Variants in SHROOM4 observed in about 807,000 individuals in gnomAD.
SHROOM4 encodes shroom family member 4.
In SHROOM4, 17 loss-of-function variants were observed where a neutral mutation model predicts 80.3. That is an observed-to-expected ratio of 0.21 (90% confidence interval 0.14 to 0.32). SHROOM4 has a LOEUF of 0.32. Ranked by LOEUF, SHROOM4 falls within the 10% of genes least tolerant of loss-of-function variation. The pLI is 1.00. For missense variants in SHROOM4, 993 were observed against 1,140.3 expected (o/e 0.87, Z 1.86); for synonymous variants, 400 against 437.5 (o/e 0.91, Z 1.07).
chrX:50,607,535 C>T lies in SHROOM4; in HGVS notation c.3607G>A (p.Ala1203Thr), dbSNP rs782719215. ...GSRQGSQSVP[A>T]EQESFALHSS... Reference sequence around the variant, plus strand: ...TGGAGTGCAAAGGATTCTTGCTCTGCTGGGACACTTTGTGAACCCTGTCTC... The same window carrying T: ...TGGAGTGCAAAGGATTCTTGCTCTGTTGGGACACTTTGTGAACCCTGTCTC... The change falls in exon 6 of 9, where the codon GCA (alanine) becomes ACA (threonine). Residue 1203 changes from alanine to threonine, a missense_variant. By Grantham distance (58) the Ala-to-Thr change is moderately conservative. Coordinates refer to ENST00000376020, the MANE Select transcript of SHROOM4 (RefSeq NM_020717.5). The T allele has an allele frequency of 8.3e-7, 1 of 1,209,302 alleles. No individual in the cohort carries two copies. Among genetic ancestry groups the T allele is most frequent in the Non-Finnish European group, 1.1e-6 (1 of 895,115 alleles).
intron 2 of SHROOM4, among the ~76,000 whole-genome samples, chrX:50,685,134 T>C (rs782281846): frequency 9.0e-6 from 1 of 111,279 alleles, no homozygotes; most frequent in African/African-American, 3.3e-5. Flanking sequence ...AGGTAATGAG[T>C]CCCTGGCAGT....
intron 1 of SHROOM4, among the ~76,000 whole-genome samples, chrX:50,773,210 G>T (rs975454887): frequency 1.8e-5 from 2 of 111,832 alleles, no homozygotes; most frequent in African/African-American, 3.2e-5. Flanking sequence ...AATCCTCACT[G>T]GTAGTGACAG....
chrX:50,687,951 G>A (rs1197136896), intron 2 of SHROOM4, among the ~76,000 whole-genome samples: 3 of 109,271 alleles, frequency 2.7e-5, no homozygotes, highest in Non-Finnish European at 5.7e-5. Flanking sequence ...GTCATAGAGT[G>A]TACTAGGTGC....
intron 7 of SHROOM4, among the ~76,000 whole-genome samples, chrX:50,600,590 C>T (rs1929350312): frequency 8.9e-6 from 1 of 111,773 alleles, no homozygotes; most frequent in African/African-American, 3.3e-5. Flanking sequence ...ATGTTTTAAT[C>T]TTATTCTAGC....
intron 1 of SHROOM4, among the ~76,000 whole-genome samples, chrX:50,762,993 A>G (rs1473909241): frequency 9.0e-6 from 1 of 110,810 alleles, no homozygotes; most frequent in East Asian, 2.8e-4. Context: ...TTCCTGCCCC[A>G]TTTATACTCT....
intron 2 of SHROOM4, among the ~76,000 whole-genome samples, chrX:50,679,545 T>A (rs1932899896): frequency 8.9e-6 from 1 of 111,894 alleles, no homozygotes; most frequent in South Asian, 3.7e-4. Flanking sequence ...ACATATATAT[T>A]GTTTTGTGTG....
In SHROOM4 at chrX:50,596,442, A is replaced by G. The variant is rs1929115900; in HGVS notation, c.*253T>C. 1 of 501,308 alleles carries G rather than the reference A, an allele frequency of 2.0e-6. No individual in the cohort carries two copies. Among genetic ancestry groups the G allele is most frequent in the Non-Finnish European group, 3.6e-6 (1 of 279,919 alleles). 41.3% of individuals were successfully genotyped at this position (501,308 alleles called of 1,213,427 possible). On this transcript the variant is annotated 3_prime_UTR_variant, in exon 9 of 9. Transcript: ENST00000376020. ...TGTGCAGCAAGTACTTGCCCTTGGC[A>G]ACTGTGGGAAGGAGAGTGTGGTTCT...
At chrX:50,652,760 G>A (rs782217297) in intron 2 of SHROOM4, among the ~76,000 whole-genome samples, 1 of 111,905 alleles carries the variant, frequency 8.9e-6, no homozygotes, top group East Asian at 2.8e-4. Context: ...GTAAGGAAGG[G>A]GTCCAGTTTC....
intron 1 of SHROOM4, among the ~76,000 whole-genome samples, chrX:50,743,214 C>A (rs1316151906): frequency 9.3e-6 from 1 of 107,935 alleles, no homozygotes; most frequent in African/African-American, 3.4e-5. Context: ...CTAGAACCAG[C>A]CATTTTTTCA....
rs1557254855 is a variant in SHROOM4, at chrX:50,633,719, G to C, written c.2354C>G (p.Ser785Cys). ...KFFEESSKSLSTSHLPGLTTH... is the reference protein window; with the variant it reads ...KFFEESSKSLCTSHLPGLTTH... ...GGTTAAACCTGGCAAATGAGATGTA[G>C]ATAAGGATTTGCTACTCTCTTCAAA... is the stretch of plus-strand genomic sequence containing the variant. The change falls in exon 4 of 9, where the codon TCT becomes TGT. Residue 785 changes from serine to cysteine, a missense_variant. By Grantham distance (112) the Ser-to-Cys change is moderately radical. Transcript: ENST00000376020. 2 of 1,212,031 alleles carry C rather than the reference G, an allele frequency of 1.7e-6. No individual in the cohort carries two copies. Among genetic ancestry groups the C allele is most frequent in the South Asian group, 3.5e-5 (2 of 56,991 alleles).
At chrX:50,798,370 G>C (rs1936056793) in intron 1 of SHROOM4, among the ~76,000 whole-genome samples, 1 of 111,912 alleles carries the variant, frequency 8.9e-6, no homozygotes, top group Admixed American at 9.5e-5. Context: ...CATCCTCAGA[G>C]TCTAATCTGT....
At chrX:50,739,162 C>A (rs1934582016) in intron 1 of SHROOM4, among the ~76,000 whole-genome samples, 2 of 111,200 alleles carry the variant, frequency 1.8e-5, no homozygotes, top group Non-Finnish European at 3.8e-5. Context: ...CTTCCTTACA[C>A]CTTATACAAA....
At chrX:50,735,112 G>C (rs1291201527) in intron 1 of SHROOM4, among the ~76,000 whole-genome samples, 2 of 112,003 alleles carry the variant, frequency 1.8e-5, no homozygotes, top group Non-Finnish European at 3.8e-5. Flanking sequence ...AGACAGTCTT[G>C]TAATGGCACA....
At chrX:50,724,614 G>A (rs192831618) in intron 1 of SHROOM4, among the ~76,000 whole-genome samples, 2 of 112,175 alleles carry the variant, frequency 1.8e-5, no homozygotes, top group East Asian at 5.6e-4. Flanking sequence ...ACAGGCATGC[G>A]CCACCACACC....
intron 1 of SHROOM4, among the ~76,000 whole-genome samples, chrX:50,700,825 G>A (rs782103088): frequency 1.8e-5 from 2 of 112,171 alleles, no homozygotes; most frequent in African/African-American, 6.5e-5. Flanking sequence ...ACTTTTCAAT[G>A]AGAATTGAAA....
chrX:50,777,517 T>C (rs1407822060), intron 1 of SHROOM4, among the ~76,000 whole-genome samples: 4 of 112,056 alleles, frequency 3.6e-5, no homozygotes, highest in Non-Finnish European at 5.6e-5. Flanking sequence ...ATTCATATCA[T>C]GGGTTATTAT....
In SHROOM4 at chrX:50,596,111, G is replaced by A; in HGVS notation, c.*584C>T. The A allele has an allele frequency of 3.0e-6, 1 of 329,823 alleles. No homozygotes were observed. The allele number at this position is 329,823 out of a possible 1,213,427, so 27.2% of individuals were successfully genotyped here. On this transcript the variant is annotated 3_prime_UTR_variant, in exon 9 of 9. Transcript: ENST00000376020. ...GTAAGGGTAGAGCCTATTTAAACCT[G>A]GTTCCTTCCTAAGGGGCACCTGGGG...
chrX:50,697,401 C>A (rs1933399735), intron 1 of SHROOM4, among the ~76,000 whole-genome samples: 1 of 111,488 alleles, frequency 9.0e-6, no homozygotes, highest in Admixed American at 9.6e-5. Context: ...ATCCCCACAC[C>A]ATGGAAGTTA....
intron 2 of SHROOM4, among the ~76,000 whole-genome samples, chrX:50,655,564 AAT>A (rs1437449903): frequency 6.6e-5 from 7 of 106,753 alleles, no homozygotes; most frequent in African/African-American, 2.0e-4. Context: ...TTATATATGA[AAT>A]ATATATTATA....
Sources: allele counts gnomAD v4.1 joint callset (sites outside exome capture counted in the v4.1 genomes callset), GRCh38; gene constraint gnomAD v4.1.1; transcripts MANE v1.5; gene names NCBI Gene and HGNC (gene_info 2026-07-23, HGNC 2026-07-21).